Variants in COL4A4 observed in about 807,000 individuals in gnomAD.
The protein encoded by COL4A4 is collagen alpha-4(IV) chain.
A neutral mutation model predicts 192.9 loss-of-function variants in COL4A4; 105 were observed. The ratio of observed to expected loss-of-function variants is 0.54; its 90% confidence interval spans 0.46 to 0.64. The LOEUF (loss-of-function observed/expected upper bound fraction) is 0.64. Among genes scored for constraint, COL4A4 ranks in the 30% least tolerant of loss-of-function variants. The pLI is 0.00. For missense variants in COL4A4, 1,967 were observed against 2,169.3 expected, an observed-to-expected ratio of 0.91 and a Z score of 1.85; for synonymous variants, 762 against 769.9, an observed-to-expected ratio of 0.99 and a Z score of 0.17.
the COL4A4 span, among the ~76,000 whole-genome samples, chr2:226,980,802 T>C: frequency 6.6e-6 from 1 of 152,218 alleles, no homozygotes; most frequent in East Asian, 1.9e-4. Context: ...TTGGGATTGA[T>C]GTTTAAAAAA....
At chr2:227,060,725 A>T (rs1485613578) in intron 26 of COL4A4, among the ~76,000 whole-genome samples, 1 of 139,058 alleles carries the variant, frequency 7.2e-6, no homozygotes. Flanking sequence ...GTAATAGAGA[A>T]TTTTTTTTTT....
chr2:227,144,714 T>C (rs1461621652), intron 2 of COL4A4, among the ~76,000 whole-genome samples, 156 bp from the exon 3 acceptor site: 1 of 152,220 alleles, frequency 6.6e-6, no homozygotes, highest in Admixed American at 6.5e-5. Flanking sequence ...GATCCATGCT[T>C]TCCTCTCTCT....
intron 1 of COL4A4, among the ~76,000 whole-genome samples, chr2:227,150,209 A>G (rs1299780575): frequency 1.3e-5 from 2 of 152,196 alleles, no homozygotes; most frequent in South Asian, 4.1e-4. Context: ...GGCGTGGAAG[A>G]AGGAAGAATG....
At chr2:227,030,946 A>ATGGG (rs1217499433) in intron 40 of COL4A4, among the ~76,000 whole-genome samples, 2 of 151,340 alleles carry the variant, frequency 1.3e-5, no homozygotes, top group Non-Finnish European at 3.0e-5. Flanking sequence ...GGATGGATGG[A>ATGGG]TGGATGGATG....
chr2:227,057,326 T>C (rs1047711839), intron 29 of COL4A4, 113 bp downstream of exon 29: 2 of 1,250,266 alleles, frequency 1.6e-6, no homozygotes, highest in Admixed American at 2.0e-5. Context: ...CGAAGTCCTT[T>C]GTCTCTGACT....
At chr2:227,105,430 A>G (rs62226773) in intron 12 of COL4A4, among the ~76,000 whole-genome samples, 2 of 152,144 alleles carry the variant, frequency 1.3e-5, no homozygotes, top group African/African-American at 4.8e-5. Context: ...GGCCTCACGT[A>G]ACAATCCTGA....
chr2:227,050,064 A>G lies in COL4A4; in HGVS notation c.3214+4T>C. 2 of 1,613,938 alleles carry G rather than the reference A, an allele frequency of 1.2e-6. No homozygotes were observed. The highest frequency in any genetic ancestry group is 1.7e-6 in the Non-Finnish European group (2 of 1,179,778). On this transcript the variant is annotated splice_donor_region_variant and intron_variant, in intron 34 of 47. Coordinates refer to ENST00000396625, the MANE Select transcript of COL4A4 (RefSeq NM_000092.5). The stretch of plus-strand genomic sequence containing the variant: ...CAGATGGCTTCTGTATCTCCAAACC[A>G]TACCTTTAGGTCCTCTTGCTCCATC...
the COL4A4 span, among the ~76,000 whole-genome samples, chr2:226,973,222 A>T: frequency 6.6e-6 from 1 of 152,218 alleles, no homozygotes; most frequent in Non-Finnish European, 1.5e-5. Context: ...ACTCATCCAA[A>T]CCATTTAATT....
chr2:227,056,222 C>CA, intron 29 of COL4A4, 107 bp from the exon 30 acceptor site: 1 of 972,070 alleles, frequency 1.0e-6, no homozygotes, highest in Non-Finnish European at 1.6e-6. Context: ...AACAGTAAAG[C>CA]AATATTTGTT....
intron 9 of COL4A4, among the ~76,000 whole-genome samples, chr2:227,111,404 T>C (rs1418929588): frequency 6.6e-6 from 1 of 152,180 alleles, no homozygotes; most frequent in African/African-American, 2.4e-5. Context: ...CACGAGATCA[T>C]TAGAAGACAG....
At chr2:227,071,760 C>A (rs1471591115) in intron 25 of COL4A4, among the ~76,000 whole-genome samples, 1 of 152,146 alleles carries the variant, frequency 6.6e-6, no homozygotes, top group Admixed American at 6.5e-5. Flanking sequence ...CAAAATTATA[C>A]AAATACATGG....
intron 44 of COL4A4, among the ~76,000 whole-genome samples, chr2:227,017,394 T>G (rs746923196): frequency 6.6e-6 from 1 of 152,194 alleles, no homozygotes; most frequent in Non-Finnish European, 1.5e-5. Context: ...TTGGAATTAG[T>G]TTTAAGGAAT....
At chr2:227,000,902 C>T (rs115266664), downstream of COL4A4, among the ~76,000 whole-genome samples, 912 of 152,150 alleles carry the variant, frequency 6.0e-3, 8 homozygotes, top group African/African-American at 0.021. Flanking sequence ...CACAAGCTCT[C>T]TTCTCTTGTC....
chr2:227,055,502 AAAT>A (rs1322491629), intron 30 of COL4A4, among the ~76,000 whole-genome samples: 2 of 151,936 alleles, frequency 1.3e-5, no homozygotes, highest in African/African-American at 4.8e-5. Flanking sequence ...CTCCTAAAAA[AAAT>A]AATAATAATA....
At chr2:226,994,363 G>A in the COL4A4 span, among the ~76,000 whole-genome samples, 1 of 152,058 alleles carries the variant, frequency 6.6e-6, no homozygotes. Flanking sequence ...CTGGCAGGAT[G>A]TGGTGATGAT....
rs1357694989 is a variant in COL4A4 at position 227,109,276 on chromosome 2, C to G, written c.605G>C (p.Gly202Ala). 6.2e-7 allele frequency: 1 copy of G among 1,613,786 alleles called. No homozygotes were observed. The highest frequency in any genetic ancestry group is 1.7e-5 in the Admixed American group (1 of 60,008). Residue 202 changes from glycine (G) to alanine (A), a missense_variant, in exon 10 of 48, where the codon GGT (glycine) becomes GCT (alanine). By Grantham distance (60) the Gly-to-Ala change is moderately conservative (BLOSUM62 0). Coordinates refer to ENST00000396625, the MANE Select transcript of COL4A4 (RefSeq NM_000092.5). The stretch of plus-strand genomic sequence containing the variant: ...TGTGGGACCTGCCGGTCCTCCTGCA[C>G]CCCAAGATCCCTAAACATGAGAAAA... ...PGLPGLPGSWGAGGPAGPTGY... is the reference protein window; with the variant it reads ...PGLPGLPGSWAAGGPAGPTGY...
intron 34 of COL4A4, among the ~76,000 whole-genome samples, chr2:227,049,096 G>A (rs186389561): frequency 5.4e-4 from 82 of 152,248 alleles, no homozygotes; most frequent in Admixed American, 1.0e-3. Flanking sequence ...AGCTAGTTAC[G>A]CTAAGGCTAA....
chr2:227,078,144 T>C, intron 24 of COL4A4, 67 bp from the exon 25 acceptor site: 1 of 1,546,374 alleles, frequency 6.5e-7, no homozygotes, highest in Non-Finnish European at 8.9e-7. Context: ...GCAGTCATTG[T>C]AGGTTACAGA....
rs777160176 is a variant in COL4A4 at position 227,003,330 on chromosome 2, A to T, written c.*3995T>A. 6.6e-6 allele frequency: 1 copy of T among 152,212 alleles called. No homozygotes were observed. Among genetic ancestry groups the T allele is most frequent in the Non-Finnish European group, 1.5e-5 (1 of 68,036 alleles). The allele number at this position is 152,212 out of a possible 1,614,324, so 9.4% of individuals were successfully genotyped here. On this transcript the variant is annotated 3_prime_UTR_variant, in exon 48 of 48. Transcript: ENST00000396625. ...GACAGGTAATCTAACTTAATTTTCAATGCAAGAGTAGCTGTTATGTCCCAC... is the reference window on the plus strand; with the variant it reads ...GACAGGTAATCTAACTTAATTTTCATTGCAAGAGTAGCTGTTATGTCCCAC...
Sources: allele counts gnomAD v4.1 joint callset (sites outside exome capture counted in the v4.1 genomes callset), GRCh38; gene constraint gnomAD v4.1.1; transcripts MANE v1.5; gene names NCBI Gene and HGNC (gene_info 2026-07-23, HGNC 2026-07-21).